Variants in PKIB observed in about 807,000 individuals in gnomAD.
PKIB encodes cAMP-dependent protein kinase inhibitor beta.
Under a neutral mutation model 4.5 loss-of-function variants are expected in PKIB, and 2 were observed. The ratio of observed to expected loss-of-function variants is 0.44; its 90% confidence interval spans 0.18 to 1.39. The LOEUF (loss-of-function observed/expected upper bound fraction) is 1.39. PKIB is among the 40% of genes most tolerant of loss of function. The pLI, the probability that PKIB is intolerant of heterozygous loss-of-function variation, is 0.27. For synonymous variants in PKIB, 38 were observed against 36.0 expected (o/e 1.06, Z -0.20); for missense variants, 94 against 92.6 (o/e 1.02, Z -0.06).
chr6:122,487,112 T>A (rs112707401), intron 2 of PKIB, among the ~76,000 whole-genome samples: 2 of 152,202 alleles, frequency 1.3e-5, no homozygotes, highest in Non-Finnish European at 2.9e-5. Flanking sequence ...CTTTCTACAT[T>A]GAACATATTC....
chr6:122,626,899 T>C (rs999567394), intron 1 of PKIB, among the ~76,000 whole-genome samples: 3 of 152,088 alleles, frequency 2.0e-5, no homozygotes, highest in African/African-American at 7.2e-5. Context: ...TGATAACAGC[T>C]ATGCAATTCA....
chr6:122,536,615 C>T (rs940568929), intron 2 of PKIB, among the ~76,000 whole-genome samples: 36 of 152,122 alleles, frequency 2.4e-4, no homozygotes, highest in African/African-American at 7.5e-4. Flanking sequence ...GCATTGATTC[C>T]TAAAGATCCT....
At chr6:122,546,686 G>A (rs1174040380) in intron 2 of PKIB, among the ~76,000 whole-genome samples, 2 of 152,038 alleles carry the variant, frequency 1.3e-5, no homozygotes, top group South Asian at 2.1e-4. Context: ...TGAAGAACCT[G>A]TGGTTCATTT....
At chr6:122,597,063 A>G (rs1189345536) in intron 3 of PKIB, among the ~76,000 whole-genome samples, 1 of 152,162 alleles carries the variant, frequency 6.6e-6, no homozygotes, top group African/African-American at 2.4e-5. Flanking sequence ...GCCCCACACC[A>G]CTGGACCCCT....
At position 122,617,968 on chromosome 6, in the gene PKIB, A is replaced by G. The variant is rs150024426; in HGVS notation, c.-161+7433A>G. ...TACATTTCTTCCTCTTAAAATTACT[A>G]TTGCCAGTGTAAAAATGAGTAGAAA... On this transcript the variant is annotated intron_variant, in intron 1 of 4. Coordinates refer to ENST00000368452, the MANE Select transcript of PKIB (RefSeq NM_181795.3). Among the ~76,000 whole-genome samples the G allele has an allele frequency of 1.7e-3, 252 of 152,252 alleles. 4 individuals carry two copies. In the East Asian group the frequency reaches 0.033, roughly 20 times the overall value.
At chr6:122,705,581 T>G (rs1779024494) in intron 3 of PKIB, among the ~76,000 whole-genome samples, 1 of 150,476 alleles carries the variant, frequency 6.6e-6, no homozygotes, top group Non-Finnish European at 1.5e-5. Context: ...TTTTTTTTTT[T>G]TTTGAGACGG....
chr6:122,550,451 A>G (rs1225613457), intron 2 of PKIB, among the ~76,000 whole-genome samples: 2 of 152,038 alleles, frequency 1.3e-5, no homozygotes, highest in African/African-American at 2.4e-5. Context: ...TTAAAATTAC[A>G]TTTTCTTTTG....
At chr6:122,723,675 TG>T (rs1779829692) in intron 4 of PKIB, among the ~76,000 whole-genome samples, 1 of 152,182 alleles carries the variant, frequency 6.6e-6, no homozygotes, top group Non-Finnish European at 1.5e-5. Flanking sequence ...TGTTTTTCTC[TG>T]TGCTTGGAAT....
At chr6:122,511,417 G>A (rs559520859) in intron 2 of PKIB, among the ~76,000 whole-genome samples, 26 of 152,236 alleles carry the variant, frequency 1.7e-4, no homozygotes, top group Non-Finnish European at 2.8e-4. Context: ...AGCTTTCTCC[G>A]AGTGCCCTGT....
chr6:122,652,511 A>G (rs922529683), intron 2 of PKIB, among the ~76,000 whole-genome samples: 4 of 152,122 alleles, frequency 2.6e-5, no homozygotes, highest in African/African-American at 9.7e-5. Flanking sequence ...AGTCAAACCC[A>G]CCCAGATTAT....
At chr6:122,683,108 C>T (rs17084722) in intron 3 of PKIB, among the ~76,000 whole-genome samples, 8,570 of 152,232 alleles carry the variant, frequency 0.056, 258 homozygotes, top group East Asian at 0.13. Context: ...GCACATAAAT[C>T]AGTACACATT....
chr6:122,644,954 G>T (rs904827746), intron 2 of PKIB, among the ~76,000 whole-genome samples: 1 of 152,166 alleles, frequency 6.6e-6, no homozygotes, highest in Non-Finnish European at 1.5e-5. Flanking sequence ...TTTGGAACTT[G>T]TTTCTGCATT....
intron 2 of PKIB, among the ~76,000 whole-genome samples, chr6:122,519,285 C>T (rs1407601543): frequency 2.6e-5 from 4 of 152,122 alleles, no homozygotes; most frequent in Non-Finnish European, 5.9e-5. Flanking sequence ...TCCCATCACC[C>T]CCAGATGAGA....
At chr6:122,663,619 G>A (rs1777100967) in intron 2 of PKIB, among the ~76,000 whole-genome samples, 1 of 152,134 alleles carries the variant, frequency 6.6e-6, no homozygotes, top group Admixed American at 6.5e-5. Flanking sequence ...TCCCTCAGCT[G>A]GTAGATGTGT....
chr6:122,576,858 G>A (rs925680619), intron 2 of PKIB, among the ~76,000 whole-genome samples: 2 of 151,432 alleles, frequency 1.3e-5, no homozygotes, highest in Non-Finnish European at 2.9e-5. Context: ...GCCTGGCTTT[G>A]TGTGTAATTA....
intron 2 of PKIB, among the ~76,000 whole-genome samples, chr6:122,562,921 C>T (rs1178611875): frequency 1.3e-5 from 2 of 151,916 alleles, no homozygotes; most frequent in East Asian, 3.9e-4. Flanking sequence ...CTGGTCCTTC[C>T]CTGATTAGCT....
intron 3 of PKIB, among the ~76,000 whole-genome samples, chr6:122,716,268 C>T (rs1779492041): frequency 6.6e-6 from 1 of 152,144 alleles, no homozygotes; most frequent in African/African-American, 2.4e-5. Context: ...AGGCTAATTG[C>T]TATGCCCGTT....
intron 2 of PKIB, among the ~76,000 whole-genome samples, chr6:122,668,401 A>G (rs1018145223): frequency 3.9e-5 from 6 of 152,310 alleles, no homozygotes; most frequent in Middle Eastern, 3.4e-3. Flanking sequence ...AGGGATATCA[A>G]TTTCTCATAC....
intron 2 of PKIB, chr6:122,479,490 C>T (rs555619545): frequency 9.2e-5 from 14 of 152,268 alleles, no homozygotes; most frequent in African/African-American, 2.9e-4. Flanking sequence ...TTAGTCAGAT[C>T]AGTTCTATAG....
Sources: allele counts gnomAD v4.1 joint callset (sites outside exome capture counted in the v4.1 genomes callset), GRCh38; gene constraint gnomAD v4.1.1; transcripts MANE v1.5; gene names NCBI Gene and HGNC (gene_info 2026-07-23, HGNC 2026-07-21).